Variants in HUS1 observed in about 807,000 individuals in gnomAD.
HUS1 encodes HUS1 checkpoint clamp component.
Under a neutral mutation model 32.6 loss-of-function variants are expected in HUS1, and 31 were observed. That is an observed-to-expected ratio of 0.95 (90% confidence interval 0.72 to 1.28). The LOEUF (loss-of-function observed/expected upper bound fraction) is 1.28, where lower values mean the gene tolerates loss of function less well. Among genes scored for constraint, HUS1 ranks in the 50% most tolerant of loss-of-function variants. The probability of loss-of-function intolerance (pLI) is 0.00; values close to 1 mark genes in which losing one functional copy is unlikely to be tolerated. For missense variants in HUS1, 340 were observed against 337.7 expected, an observed-to-expected ratio of 1.01 and a Z score of -0.05; for synonymous variants, 123 against 116.6, an observed-to-expected ratio of 1.06 and a Z score of -0.36.
intron 5 of HUS1, among the ~76,000 whole-genome samples, chr7:47,974,889 C>T (rs3176537): frequency 1.0e-3 from 157 of 152,246 alleles, no homozygotes; most frequent in Admixed American, 9.5e-3. Flanking sequence ...GGAATAAAGG[C>T]TGCTATGGTG....
intron 7 of HUS1, among the ~76,000 whole-genome samples, chr7:47,967,138 T>A (rs1232310810): frequency 1.3e-5 from 2 of 152,190 alleles, no homozygotes; most frequent in Non-Finnish European, 1.5e-5. Context: ...CTACAAAACG[T>A]GGAACTTCAA....
At chr7:47,965,685 C>A (rs914942324) in intron 7 of HUS1, among the ~76,000 whole-genome samples, 10 of 152,146 alleles carry the variant, frequency 6.6e-5, no homozygotes, top group Admixed American at 1.3e-4. Context: ...GGCAAAACAC[C>A]CAGCAGGCTG....
rs764436859 is a variant in HUS1 at position 47,975,691 on chromosome 7, C to T, written c.466-4G>A. 2.6e-6 allele frequency: 4 copies of T among 1,554,984 alleles called. No homozygotes were observed. In the South Asian group the frequency reaches 4.6e-5, roughly 18 times the overall value. ...AGACTGGTAAATAAATACTAACCTA[C>T]AAAACCAATGAGAAAAAAGCACAAG... On this transcript the variant is annotated splice_region_variant and splice_polypyrimidine_tract_variant and intron_variant, in intron 4 of 7. Transcript: ENST00000258774.
chr7:47,979,140 G>A (rs1788772084), intron 1 of HUS1, among the ~76,000 whole-genome samples: 1 of 152,068 alleles, frequency 6.6e-6, no homozygotes, highest in Admixed American at 6.5e-5. Flanking sequence ...CAGGGTGGAG[G>A]GACGAATGGG....
Position 47,978,791 on chromosome 7 carries a change from A to C in HUS1, c.78T>G (p.Leu26=). The part of the protein sequence containing the change: ...FTRISNMIAK[L]AKTCTLRISP... Reference sequence around the variant, plus strand: ...TGATGCGGAGGGTGCAGGTTTTGGCAAGCTTGGCTATCATGTTACTGATTC... The same window carrying C: ...TGATGCGGAGGGTGCAGGTTTTGGCCAGCTTGGCTATCATGTTACTGATTC... Residue 26 remains leucine (L), a synonymous_variant, in exon 2 of 8, where the codon CTT becomes CTG. Transcript: ENST00000258774. The C allele has an allele frequency of 6.2e-7, 1 of 1,614,118 alleles. No individual in the cohort carries two copies. Among genetic ancestry groups the C allele is most frequent in the Non-Finnish European group, 8.5e-7 (1 of 1,180,020 alleles).
intron 5 of HUS1, among the ~76,000 whole-genome samples, chr7:47,975,342 T>G (rs1336708594): frequency 6.8e-6 from 1 of 147,780 alleles, no homozygotes; most frequent in African/African-American, 2.5e-5. Flanking sequence ...AAAAGAAAGA[T>G]ACAATGTTTC....
At chr7:47,969,394 C>T in intron 5 of HUS1, 76 bp from the exon 6 acceptor site, 2 of 762,094 alleles carry the variant, frequency 2.6e-6, no homozygotes, top group South Asian at 3.0e-5. Context: ...ACAGCTTTCA[C>T]ACAACCAGAT....
At chr7:47,967,624 G>A (rs1788505093) in intron 7 of HUS1, among the ~76,000 whole-genome samples, 182 bp downstream of exon 7, 1 of 151,464 alleles carries the variant, frequency 6.6e-6, no homozygotes, top group East Asian at 1.9e-4. Flanking sequence ...GCCACCTTAG[G>A]TACTTCTGAA....
At chr7:47,979,250 T>A (rs1390453218) in intron 1 of HUS1, among the ~76,000 whole-genome samples, 5 of 152,004 alleles carry the variant, frequency 3.3e-5, no homozygotes, top group Non-Finnish European at 1.5e-5. Context: ...GAAACGTCCC[T>A]TGAAAGCCGC....
rs1583716036 is a variant in HUS1 at position 47,969,417 on chromosome 7, T to C, written c.541-99A>G. On this transcript the variant is annotated intron_variant, in intron 5 of 7. Transcript: ENST00000258774. Reference sequence around the variant, plus strand: ...CACACAACCAGATGACAAAGTACCCTACAAAACCTCAAAACACCTCAGAGC... The same window carrying C: ...CACACAACCAGATGACAAAGTACCCCACAAAACCTCAAAACACCTCAGAGC... The C allele has an allele frequency of 7.3e-6, 5 of 680,554 alleles. No individual in the cohort carries two copies. In the East Asian group the frequency reaches 1.4e-4, roughly 18 times the overall value. The allele number at this position is 680,554 out of a possible 1,614,324, so 42.2% of individuals were successfully genotyped here. A position where few individuals can be genotyped will look rare whatever the true frequency, so the allele number is the denominator to read the frequency against.
At chr7:47,973,020 T>C in intron 5 of HUS1, among the ~76,000 whole-genome samples, 1 of 152,142 alleles carries the variant, frequency 6.6e-6, no homozygotes, top group Non-Finnish European at 1.5e-5. Context: ...GTTCTCTTGA[T>C]AGTGAGGGAG....
intron 5 of HUS1, among the ~76,000 whole-genome samples, chr7:47,975,354 T>C (rs1221246018): frequency 6.7e-6 from 1 of 149,922 alleles, no homozygotes; most frequent in African/African-American, 2.4e-5. Context: ...CAATGTTTCA[T>C]ACAAAATATA....
At chr7:47,966,533 ACT>A (rs1288329040) in intron 7 of HUS1, among the ~76,000 whole-genome samples, 1 of 152,088 alleles carries the variant, frequency 6.6e-6, no homozygotes, top group African/African-American at 2.4e-5. Flanking sequence ...GTGTTTCCAC[ACT>A]CTGCAGACAG....
chr7:47,975,588 C>T (rs749713714), intron 5 of HUS1, 25 bp downstream of exon 5: 7 of 1,511,660 alleles, frequency 4.6e-6, no homozygotes, highest in South Asian at 4.5e-5. Flanking sequence ...CTTCAGAGTT[C>T]TTTTCTAAAG....
intron 1 of HUS1, chr7:47,979,031 A>C: frequency 3.5e-6 from 2 of 573,516 alleles, no homozygotes; most frequent in South Asian, 4.2e-5. Context: ...CAGTGTTCAA[A>C]TAAGAAAACA....
chr7:47,979,547 CCTCTGTGGGTAACAGAAAA>C lies in HUS1; in HGVS notation c.-47_-29del. 1 of 1,579,480 alleles carries C rather than the reference CCTCTGTGGGTAACAGAAAA, an allele frequency of 6.3e-7. No homozygotes were observed. The highest frequency in any genetic ancestry group is 8.7e-7 in the Non-Finnish European group (1 of 1,152,662). On this transcript the variant is annotated 5_prime_UTR_variant, in exon 1 of 8. Transcript: ENST00000258774. Reference sequence around the variant, plus strand: ...CCGCGGATGGCGCAGCCGCGGCGGGCCTCTGTGGGTAACAGAAAAGCGTCGCGCCCTGAGTGTCCCCGCC... The same window carrying C: ...CCGCGGATGGCGCAGCCGCGGCGGGCGCGTCGCGCCCTGAGTGTCCCCGCC...
chr7:47,977,564 G>A (rs778041181), intron 3 of HUS1, among the ~76,000 whole-genome samples: 1 of 151,960 alleles, frequency 6.6e-6, no homozygotes. Context: ...AATTAGCTCT[G>A]AGAACTGCCT....
chr7:47,978,523 G>A lies in HUS1; in HGVS notation c.251C>T (p.Thr84Ile). ...AENNEIYLEL[T>I]SENLSRALKT... The stretch of plus-strand genomic sequence containing the variant: ...CAAGGCTCGAGATAAGTTTTCCGAT[G>A]TTAGCTCTAAATAAATCTCATTGTT... The change falls in exon 3 of 8, where the codon ACA (threonine) becomes ATA (isoleucine). Residue 84 changes from threonine to isoleucine, a missense_variant. Thr to Ile is a moderately conservative substitution (Grantham distance 89). Transcript: ENST00000258774. 6.2e-7 allele frequency: 1 copy of A among 1,614,194 alleles called. No homozygotes were observed. Among genetic ancestry groups the A allele is most frequent in the East Asian group, 2.2e-5 (1 of 44,892 alleles).
intron 5 of HUS1, among the ~76,000 whole-genome samples, chr7:47,972,893 G>A (rs1788626971): frequency 6.6e-6 from 1 of 152,290 alleles, no homozygotes; most frequent in South Asian, 2.1e-4. Context: ...TGGCAATGAT[G>A]TGGTTTGTTT....
Sources: gnomAD v4.1 joint callset for allele counts (sites outside exome capture counted in the v4.1 genomes callset) on GRCh38, gnomAD v4.1.1 for gene constraint, MANE v1.5 for transcripts, NCBI Gene and HGNC (gene_info 2026-07-23, HGNC 2026-07-21) for gene names.